AFF2: variants seen among roughly 807,000 people sequenced by gnomAD.
AFF2 encodes the protein ALF transcription elongation factor 2, also known as AF4/FMR2 family member 2.
In AFF2, 14 loss-of-function variants were observed where a neutral mutation model predicts 76.9. The observed-to-expected ratio is 0.18, with a 90% CI of 0.12 to 0.28. The LOEUF is 0.28. Ranked by LOEUF, AFF2 falls within the 10% of genes least tolerant of loss-of-function variation. The pLI is 1.00. For missense variants in AFF2, 868 were observed against 1,001.1 expected, an observed-to-expected ratio of 0.87 and a Z score of 1.79; for synonymous variants, 398 against 366.7, an observed-to-expected ratio of 1.09 and a Z score of -0.98.
At chrX:148,932,725 G>A (rs1397016557) in intron 9 of AFF2, among the ~76,000 whole-genome samples, 1 of 112,164 alleles carries the variant, frequency 8.9e-6, no homozygotes, top group Non-Finnish European at 1.9e-5. Context: ...TTTTGTTCCT[G>A]TTTTCTGTTA....
intron 3 of AFF2, among the ~76,000 whole-genome samples, chrX:148,678,645 GT>G (rs1557259675): frequency 8.9e-6 from 1 of 112,066 alleles, no homozygotes; most frequent in Non-Finnish European, 1.9e-5. Context: ...ATCAAGTGCA[GT>G]GTGGAACTTG....
At chrX:148,926,079 C>T (rs1557283749) in intron 9 of AFF2, among the ~76,000 whole-genome samples, 2 of 112,038 alleles carry the variant, frequency 1.8e-5, no homozygotes, top group African/African-American at 3.2e-5. Context: ...TAAGTATCTT[C>T]TGAGTCTGCT....
chrX:148,577,878 C>A (rs1428137812), intron 1 of AFF2, among the ~76,000 whole-genome samples: 1 of 111,601 alleles, frequency 9.0e-6, no homozygotes, highest in Non-Finnish European at 1.9e-5. Context: ...ACCTACTTTG[C>A]ACCCCTGAGG....
chrX:148,651,390 A>G (rs782313334), intron 1 of AFF2, among the ~76,000 whole-genome samples: 25 of 112,288 alleles, frequency 2.2e-4, no homozygotes, highest in African/African-American at 6.1e-4. Context: ...AAAGGCTTCC[A>G]TTCACTTTTG....
At chrX:148,806,093 G>A (rs1046834627) in intron 3 of AFF2, among the ~76,000 whole-genome samples, 5 of 112,830 alleles carry the variant, frequency 4.4e-5, no homozygotes, top group Non-Finnish European at 9.4e-5. Flanking sequence ...GCAACTCAAC[G>A]GGCAGCAGTT....
chrX:148,662,262 A>G lies in AFF2; in HGVS notation c.535A>G (p.Asn179Asp). ...GGCAAGCCAGGCCAGTGGTCAGCCA[A>G]ACAAGATGCAGACTTTGACACAGGA... The part of the protein sequence containing the change: ...VLASQASGQP[N>D]KMQTLTQDQS... Residue 179 changes from asparagine (N) to aspartate (D), a missense_variant, in exon 3 of 21, where the codon AAC becomes GAC. This residue lies in a region of AFF2 where 196 missense variants were observed against 194.8 expected (regional missense o/e 1.01). Coordinates refer to ENST00000370460, the MANE Select transcript of AFF2 (RefSeq NM_002025.4). The G allele has an allele frequency of 8.3e-7, 1 of 1,211,837 alleles. No individual in the cohort carries two copies. The highest frequency in any genetic ancestry group is 3.0e-5 in the East Asian group (1 of 33,844).
intron 1 of AFF2, among the ~76,000 whole-genome samples, chrX:148,555,922 C>T (rs2053047310): frequency 2.7e-5 from 3 of 112,266 alleles, no homozygotes; most frequent in South Asian, 7.3e-4. Context: ...TAAAGAGACA[C>T]GTAAACCACA....
At chrX:148,652,198 A>G (rs2054209792) in intron 2 of AFF2, 67 bp downstream of exon 2, 1 of 862,769 alleles carries the variant, frequency 1.2e-6, no homozygotes. Context: ...TCAACATTTA[A>G]TTTATGTTTA....
At chrX:148,908,237 G>A (rs782728596) in intron 9 of AFF2, among the ~76,000 whole-genome samples, 24 of 111,490 alleles carry the variant, frequency 2.2e-4, no homozygotes, top group African/African-American at 3.3e-4. Flanking sequence ...CTCAGCTTTC[G>A]AAGATGATGG....
In AFF2 at chrX:148,500,963, C is replaced by A. The variant is rs1298253786; in HGVS notation, c.-135C>A. 2.1e-5 allele frequency: 17 copies of A among 790,802 alleles called. No homozygotes were observed. The highest frequency in any genetic ancestry group is 6.5e-5 in the African/African-American group (3 of 45,866). 65.2% of individuals were successfully genotyped at this position (790,802 alleles called of 1,213,427 possible). A position where few individuals can be genotyped will look rare whatever the true frequency, so the allele number is the denominator to read the frequency against. On this transcript the variant is annotated 5_prime_UTR_variant, in exon 1 of 21. Coordinates refer to ENST00000370460, the MANE Select transcript of AFF2 (RefSeq NM_002025.4). ...GCGCCCGCTGCTGCTGCCGATGCGG[C>A]CCGGACACTTTTAGCTGGGCGGGAG...
At chrX:148,553,090 G>A (rs1159233135) in intron 1 of AFF2, among the ~76,000 whole-genome samples, 1 of 111,936 alleles carries the variant, frequency 8.9e-6, no homozygotes, top group East Asian at 2.8e-4. Flanking sequence ...CACATTATTT[G>A]AGGCTAAAAG....
chrX:148,723,980 A>G (rs1233167647), intron 3 of AFF2, among the ~76,000 whole-genome samples: 21 of 104,608 alleles, frequency 2.0e-4, no homozygotes, highest in Admixed American at 1.0e-3. Flanking sequence ...AACAGGAACA[A>G]TGTTACTCAT....
At chrX:148,617,575 T>G (rs1175984369) in intron 1 of AFF2, among the ~76,000 whole-genome samples, 1 of 112,352 alleles carries the variant, frequency 8.9e-6, no homozygotes, top group Non-Finnish European at 1.9e-5. Flanking sequence ...TTAGTTGAAT[T>G]AGATCCCATT....
chrX:148,812,416 G>A (rs1251546108), intron 4 of AFF2, among the ~76,000 whole-genome samples: 10 of 111,549 alleles, frequency 9.0e-5, no homozygotes, highest in African/African-American at 3.3e-4. Context: ...CGGAGTGGAG[G>A]AGCTGGCTTC....
At chrX:148,987,173 C>G (rs2072481828) in intron 19 of AFF2, among the ~76,000 whole-genome samples, 194 bp from the exon 20 acceptor site, 1 of 111,532 alleles carries the variant, frequency 9.0e-6, no homozygotes, top group Non-Finnish European at 1.9e-5. Context: ...AAAGCTGTAG[C>G]TGTACTGTGA....
intron 18 of AFF2, among the ~76,000 whole-genome samples, chrX:148,978,947 C>A (rs1482358924): frequency 8.9e-6 from 1 of 111,776 alleles, no homozygotes; most frequent in Non-Finnish European, 1.9e-5. Context: ...GCTTTGGTTA[C>A]CAAAACAAAC....
rs376292580 is a variant in AFF2 at position 148,619,068 on chromosome X, C to T, written c.48-32931C>T. On this transcript the variant is annotated intron_variant, in intron 1 of 20. Transcript: ENST00000370460. ...TCTTTTCTTCCTGTTTCTTCCTCAG[C>T]TTCTTATATTCTATTTTCCTTCACT... 9.0e-5 allele frequency among the ~76,000 whole-genome samples: 10 copies of T among 111,338 alleles called. No individual in the cohort carries two copies. The East Asian group carries it at 2.6e-3, about 29-fold the overall frequency.
chrX:148,964,162 G>A (rs1450449777), intron 13 of AFF2, among the ~76,000 whole-genome samples: 1 of 112,225 alleles, frequency 8.9e-6, no homozygotes, highest in African/African-American at 3.2e-5. Flanking sequence ...GCTGTGGGGT[G>A]GAGGGACAGT....
At chrX:148,695,082 C>T in intron 3 of AFF2, among the ~76,000 whole-genome samples, 1 of 111,150 alleles carries the variant, frequency 9.0e-6, no homozygotes, top group South Asian at 3.8e-4. Flanking sequence ...TCCCAAAGTC[C>T]TGGGATTACA....
Sources: gnomAD v4.1 joint callset for allele counts (sites outside exome capture counted in the v4.1 genomes callset) on GRCh38, gnomAD v4.1.1 for gene constraint, gnomAD v4.1.1 regional missense constraint, MANE v1.5 for transcripts, NCBI Gene and HGNC (gene_info 2026-07-23, HGNC 2026-07-21) for gene names.